Variants in ZNF420 observed in about 807,000 individuals in gnomAD.
The protein encoded by ZNF420 is zinc finger protein 420, also known as ATM and p53-associated KZNF protein.
Under a neutral mutation model 44.7 loss-of-function variants are expected in ZNF420, and 31 were observed. The observed-to-expected ratio is 0.69, with a 90% CI of 0.52 to 0.94. The LOEUF is 0.94. Ranked by LOEUF, ZNF420 falls within the 40% of genes least tolerant of loss-of-function variation. The probability of loss-of-function intolerance (pLI) is 0.00; values close to 1 mark genes in which losing one functional copy is unlikely to be tolerated. For missense variants in ZNF420, 681 were observed against 827.9 expected, an observed-to-expected ratio of 0.82 and a Z score of 2.18; for synonymous variants, 245 against 267.4, an observed-to-expected ratio of 0.92 and a Z score of 0.82.
chr19:37,107,717 A>G (rs1262043149), intron 4 of ZNF420: 2 of 152,348 alleles, frequency 1.3e-5, no homozygotes, highest in East Asian at 1.9e-4. Context: ...CAGAACAGGC[A>G]CACAAGGATT....
intron 1 of ZNF420, among the ~76,000 whole-genome samples, chr19:37,048,868 T>TA (rs1967589588): frequency 1.8e-5 from 1 of 56,726 alleles, no homozygotes; most frequent in South Asian, 7.0e-4. Context: ...CCCTCCCCCC[T>TA]CCCCCACCCC....
At chr19:37,125,801 A>T (rs200131652) in intron 4 of ZNF420, among the ~76,000 whole-genome samples, 1 of 212 alleles carries the variant, frequency 4.7e-3, no homozygotes, top group African/African-American at 0.12. Context: ...CAAATTTTTG[A>T]AATTTGAGCT....
At chr19:37,061,892 G>A (rs1263304079) in intron 1 of ZNF420, among the ~76,000 whole-genome samples, 2 of 152,168 alleles carry the variant, frequency 1.3e-5, no homozygotes, top group South Asian at 4.1e-4. Flanking sequence ...TGAGGCAAAC[G>A]TTAATTCAAC....
chr19:37,014,392 C>T (rs2074594157), intron 1 of ZNF420, among the ~76,000 whole-genome samples: 1 of 152,164 alleles, frequency 6.6e-6, no homozygotes, highest in Non-Finnish European at 1.5e-5. Context: ...AATAACCAGC[C>T]CCATGGGACC....
chr19:37,036,367 A>G (rs1300731352), intron 1 of ZNF420, among the ~76,000 whole-genome samples: 1 of 152,160 alleles, frequency 6.6e-6, no homozygotes, highest in Non-Finnish European at 1.5e-5. Context: ...TATAATTGTC[A>G]TGTATCAATA....
chr19:37,021,917 A>G (rs984814857), intron 1 of ZNF420, among the ~76,000 whole-genome samples: 1 of 145,466 alleles, frequency 6.9e-6, no homozygotes, highest in Admixed American at 7.0e-5. Flanking sequence ...AGCCTGAGCA[A>G]CAGAGCGACA....
chr19:37,046,416 G>C lies in ZNF420; in HGVS notation c.-124-33929G>C, dbSNP rs138269292. 2.8e-3 allele frequency among the ~76,000 whole-genome samples: 431 copies of C among 152,210 alleles called. 2 individuals carry two copies. The highest frequency in any genetic ancestry group is 9.8e-3 in the African/African-American group (406 of 41,526). On this transcript the variant is annotated intron_variant, in intron 1 of 4. Coordinates refer to the ZNF420 transcript ENST00000587029. ...TGCCATTCATAATAGCAAAAATCTG[G>C]AAATAAGCCAAAAGTTCATTAATAC...
At chr19:37,085,878 G>GCTTGAAGT (rs1177041571) in intron 2 of ZNF420, among the ~76,000 whole-genome samples, 3 of 151,088 alleles carry the variant, frequency 2.0e-5, no homozygotes, top group African/African-American at 4.9e-5. Flanking sequence ...CAATCCTCCT[G>GCTTGAAGT]CCTCAGCCTC....
At chr19:37,037,655 C>A (rs1253409509) in intron 1 of ZNF420, among the ~76,000 whole-genome samples, 2 of 152,188 alleles carry the variant, frequency 1.3e-5, no homozygotes, top group African/African-American at 4.8e-5. Context: ...GGAAGACTTT[C>A]CGGAGACTCT....
intron 1 of ZNF420, among the ~76,000 whole-genome samples, chr19:37,053,594 TG>T (rs1374021695): frequency 6.6e-6 from 1 of 152,262 alleles, no homozygotes; most frequent in Non-Finnish European, 1.5e-5. Context: ...GACCCTCAGC[TG>T]CAGGTCTGTT....
intron 1 of ZNF420, among the ~76,000 whole-genome samples, chr19:37,016,892 T>C (rs1351142470): frequency 6.6e-6 from 1 of 152,186 alleles, no homozygotes; most frequent in Non-Finnish European, 1.5e-5. Flanking sequence ...ACAACCTAGA[T>C]ATGGGTCACT....
Position 37,129,788 on chromosome 19 carries a change from G to T in ZNF420, c.*730G>T. ...CAGTGGATGTAATCAGTGTATTATT[G>T]AGCACAGCTGTTAGAGAAGTGGGAC... is the stretch of plus-strand genomic sequence containing the variant. On this transcript the variant is annotated 3_prime_UTR_variant, in exon 5 of 5. Coordinates refer to ENST00000337995, the MANE Select transcript of ZNF420 (RefSeq NM_144689.5). 1.2e-4 allele frequency: 39 copies of T among 316,658 alleles called. No homozygotes were observed. Among genetic ancestry groups the T allele is most frequent in the Middle Eastern group, 9.8e-4 (1 of 1,020 alleles). 19.6% of individuals were successfully genotyped at this position (316,658 alleles called of 1,614,324 possible). A position where few individuals can be genotyped will look rare whatever the true frequency, so the allele number is the denominator to read the frequency against.
intron 4 of ZNF420, among the ~76,000 whole-genome samples, chr19:37,117,760 A>G (rs1374665781): frequency 1.3e-5 from 2 of 152,184 alleles, no homozygotes; most frequent in African/African-American, 2.4e-5. Flanking sequence ...AGAATAACCA[A>G]TGCAGAGAAG....
At chr19:37,107,777 C>T (rs1568463105) in intron 4 of ZNF420, 1 of 152,430 alleles carries the variant, frequency 6.6e-6, no homozygotes, top group Non-Finnish European at 1.5e-5. Flanking sequence ...ACCCAAGTGA[C>T]AGGGTTAAGA....
At chr19:37,008,905 T>G (rs2074548222) in intron 1 of ZNF420, among the ~76,000 whole-genome samples, 1 of 152,202 alleles carries the variant, frequency 6.6e-6, no homozygotes. Flanking sequence ...ATCCATGTCA[T>G]GATTGTTTCC....
At chr19:37,021,747 A>G (rs2074650148) in intron 1 of ZNF420, among the ~76,000 whole-genome samples, 1 of 150,010 alleles carries the variant, frequency 6.7e-6, no homozygotes, top group Admixed American at 6.7e-5. Flanking sequence ...GACAAGCCTG[A>G]CCAACATGGT....
chr19:37,054,748 G>T (rs898070747), intron 1 of ZNF420, among the ~76,000 whole-genome samples: 1 of 152,184 alleles, frequency 6.6e-6, no homozygotes, highest in Non-Finnish European at 1.5e-5. Context: ...GACCTGTCTT[G>T]TCCTTGACAA....
At chr19:37,098,892 A>G (rs1245416393) in intron 4 of ZNF420, among the ~76,000 whole-genome samples, 1 of 152,112 alleles carries the variant, frequency 6.6e-6, no homozygotes, top group Non-Finnish European at 1.5e-5. Context: ...CTTATATGAG[A>G]TCAACTTTTT....
chr19:37,054,288 C>G (rs1210676903), intron 1 of ZNF420, among the ~76,000 whole-genome samples: 1 of 152,220 alleles, frequency 6.6e-6, no homozygotes, highest in Non-Finnish European at 1.5e-5. Context: ...AGGGAATTCC[C>G]TGACCCCTTG....
Sources: allele counts gnomAD v4.1 joint callset (sites outside exome capture counted in the v4.1 genomes callset), GRCh38; gene constraint gnomAD v4.1.1; transcripts MANE v1.5; gene names NCBI Gene and HGNC (gene_info 2026-07-23, HGNC 2026-07-21).